NUP153: variants seen among roughly 807,000 people sequenced by gnomAD.
NUP153 encodes nucleoporin 153, also known as nuclear pore complex protein Nup153.
NUP153 carries 27 observed loss-of-function variants against 134.6 expected under a neutral mutation model. The observed-to-expected ratio is 0.20, with a 90% CI of 0.15 to 0.28. The LOEUF (loss-of-function observed/expected upper bound fraction) is 0.28, where lower values mean the gene tolerates loss of function less well. Ranked by LOEUF, NUP153 falls within the 10% of genes least tolerant of loss-of-function variation. The probability of loss-of-function intolerance (pLI) is 1.00; values close to 1 mark genes in which losing one functional copy is unlikely to be tolerated. For synonymous variants in NUP153, 640 were observed against 623.5 expected (o/e 1.03, Z -0.40); for missense variants, 1,821 against 1,731.3 (o/e 1.05, Z -0.92).
chr6:17,646,348 C>T (rs545243549), intron 13 of NUP153, among the ~76,000 whole-genome samples, 194 bp from the exon 14 acceptor site: 2 of 152,046 alleles, frequency 1.3e-5, no homozygotes, highest in South Asian at 4.2e-4. Flanking sequence ...GCTGGGACTA[C>T]AGGAACTCGC....
intron 11 of NUP153, among the ~76,000 whole-genome samples, chr6:17,655,896 T>G (rs1227359535): frequency 6.6e-6 from 1 of 152,138 alleles, no homozygotes; most frequent in Non-Finnish European, 1.5e-5. Context: ...CCAAACCTAT[T>G]CTATACAGAT....
chr6:17,666,477 G>A (rs1052489720), intron 8 of NUP153, among the ~76,000 whole-genome samples: 8 of 152,106 alleles, frequency 5.3e-5, no homozygotes, highest in Admixed American at 5.2e-4. Flanking sequence ...TTGTGCCACC[G>A]CACTCCAGCC....
At chr6:17,659,844 T>C (rs923981587) in intron 11 of NUP153, among the ~76,000 whole-genome samples, 1 of 152,194 alleles carries the variant, frequency 6.6e-6, no homozygotes, top group African/African-American at 2.4e-5. Context: ...ACAAAACCTA[T>C]AAAATTTATA....
At position 17,629,430 on chromosome 6, in the gene NUP153, A is replaced by T; in HGVS notation, c.2769T>A (p.Asn923Lys). ...GPSQTLTSTG[N>K]FKFGDQGGFK... ...ATCCTCCCTGATCTCCAAATTTAAAATTTCCAGTGCTTGTTAAAGTCTGAG... is the reference window on the plus strand; with the variant it reads ...ATCCTCCCTGATCTCCAAATTTAAATTTTCCAGTGCTTGTTAAAGTCTGAG... Residue 923 changes from asparagine to lysine, a missense_variant, in exon 18 of 22, where the codon AAT (asparagine) becomes AAA (lysine). By Grantham distance (94) the Asn-to-Lys change is moderately conservative (BLOSUM62 0). Transcript: ENST00000262077. 1 of 1,614,142 alleles carries T rather than the reference A, an allele frequency of 6.2e-7. No homozygotes were observed.
At chr6:17,696,352 C>A (rs1476409396) in intron 1 of NUP153, among the ~76,000 whole-genome samples, 1 of 152,078 alleles carries the variant, frequency 6.6e-6, no homozygotes, top group Non-Finnish European at 1.5e-5. Context: ...CCAATGTAAC[C>A]CACCTATGTT....
intron 1 of NUP153, among the ~76,000 whole-genome samples, chr6:17,699,418 G>A (rs947113896): frequency 1.6e-4 from 24 of 151,320 alleles, no homozygotes; most frequent in African/African-American, 5.1e-4. Context: ...GGCAGGCGGA[G>A]GTTGCAGTGA....
Position 17,675,083 on chromosome 6 carries a change from G to A in NUP153, c.724-50C>T, listed in dbSNP as rs1768135582. 3 of 1,602,122 alleles carry A rather than the reference G, an allele frequency of 1.9e-6. No individual in the cohort carries two copies. Among genetic ancestry groups the A allele is most frequent in the African/African-American group, 2.7e-5 (2 of 74,474 alleles). On this transcript the variant is annotated intron_variant, in intron 4 of 21. Transcript: ENST00000262077. The surrounding 1 kb of genome is among the most constrained non-coding windows in gnomAD (Gnocchi z 4.4). ...TATAAGCCATATGAACCCAGGAGGT[G>A]GAGGTTGCAGTGAGTTAAGATCATG... is the stretch of plus-strand genomic sequence containing the variant.
Position 17,642,923 on chromosome 6 carries a change from G to A in NUP153, c.1721-2859C>T, listed in dbSNP as rs560197255. 4.6e-5 allele frequency among the ~76,000 whole-genome samples: 7 copies of A among 152,312 alleles called. No homozygotes were observed. In the South Asian group the frequency reaches 6.2e-4, roughly 14 times the overall value. On this transcript the variant is annotated intron_variant, in intron 14 of 21. Coordinates refer to ENST00000262077, the MANE Select transcript of NUP153 (RefSeq NM_005124.4). ...GCTAAGTGAAAGAACTCAGCTGTAC[G>A]AAGCCACATTGTATGATTCTACTTA...
chr6:17,662,299 T>C (rs1322944260), intron 9 of NUP153, among the ~76,000 whole-genome samples: 1 of 152,212 alleles, frequency 6.6e-6, no homozygotes, highest in Non-Finnish European at 1.5e-5. Context: ...TTTAATAAAA[T>C]GGTAGTATAC....
At chr6:17,649,818 T>C (rs1252579766) in intron 11 of NUP153, among the ~76,000 whole-genome samples, 1 of 152,230 alleles carries the variant, frequency 6.6e-6, no homozygotes, top group Non-Finnish European at 1.5e-5. Context: ...CATAGATATG[T>C]ATGTATAAGA....
Position 17,675,640 on chromosome 6 carries a change from T to G in NUP153, c.465A>C (p.Ala155=). Reference sequence around the variant, plus strand: ...AAAATCCCGAACTGCCAATTGGGAATGCCGAGGATGTAGATGGCTGACAGT... The same window carrying G: ...AAAATCCCGAACTGCCAATTGGGAAGGCCGAGGATGTAGATGGCTGACAGT... ...ALHCQPSTSS[A]FPIGSSGFSL... Residue 155 remains alanine (A), a synonymous_variant, in exon 3 of 22, where the codon GCA becomes GCC. Coordinates refer to ENST00000262077, the MANE Select transcript of NUP153 (RefSeq NM_005124.4). This position sits in a 1 kb window ranked among gnomAD's most constrained non-coding sequence, Gnocchi z 4.4. 1 of 1,614,194 alleles carries G rather than the reference T, an allele frequency of 6.2e-7. No individual in the cohort carries two copies. The highest frequency in any genetic ancestry group is 1.1e-5 in the South Asian group (1 of 91,088).
chr6:17,689,084 T>A (rs1231928431), intron 1 of NUP153, among the ~76,000 whole-genome samples: 1 of 147,890 alleles, frequency 6.8e-6, no homozygotes, highest in East Asian at 2.0e-4. Context: ...AAAAAAAAAA[T>A]ACAGGAACTA....
chr6:17,641,839 G>A (rs993333373), intron 14 of NUP153, among the ~76,000 whole-genome samples: 1 of 5,236 alleles, frequency 1.9e-4, no homozygotes, highest in Admixed American at 3.4e-3. Context: ...GAGACAGAGC[G>A]AGACTGTCTC....
intron 13 of NUP153, among the ~76,000 whole-genome samples, chr6:17,646,409 T>C (rs943371031): frequency 9.9e-5 from 15 of 152,146 alleles, no homozygotes; most frequent in African/African-American, 3.1e-4. Flanking sequence ...GGTTTCACTG[T>C]GTTAGCCAGG....
intron 5 of NUP153, 85 bp downstream of exon 5, chr6:17,674,820 T>G (rs1768119184): frequency 9.1e-7 from 1 of 1,099,268 alleles, no homozygotes; most frequent in Non-Finnish European, 1.3e-6. Context: ...AAAACTATTT[T>G]TTTGAGCACA....
chr6:17,694,196 A>G (rs1769477515), intron 1 of NUP153, among the ~76,000 whole-genome samples: 1 of 152,172 alleles, frequency 6.6e-6, no homozygotes, highest in Non-Finnish European at 1.5e-5. Flanking sequence ...CTCTGTATTT[A>G]ATGCTTGACA....
At chr6:17,668,713 C>T (rs546931409) in intron 8 of NUP153, among the ~76,000 whole-genome samples, 10 of 151,904 alleles carry the variant, frequency 6.6e-5, no homozygotes, top group Non-Finnish European at 1.3e-4. Flanking sequence ...CATGATGGCA[C>T]GTGCCTGTAA....
chr6:17,649,125 G>C, intron 12 of NUP153, 38 bp downstream of exon 12: 1 of 1,541,964 alleles, frequency 6.5e-7, no homozygotes, highest in Non-Finnish European at 8.8e-7. Context: ...AATTAAGAAA[G>C]AACAAATGTC....
intron 14 of NUP153, among the ~76,000 whole-genome samples, chr6:17,641,354 G>C (rs1765829531): frequency 6.6e-6 from 1 of 152,218 alleles, no homozygotes; most frequent in South Asian, 2.1e-4. Flanking sequence ...GGCCAACATA[G>C]TGAAACCCCA....
Sources: gnomAD v4.1 joint callset for allele counts (sites outside exome capture counted in the v4.1 genomes callset) on GRCh38, gnomAD v4.1.1 for gene constraint, Gnocchi (gnomAD v3.1) non-coding constraint, MANE v1.5 for transcripts, NCBI Gene and HGNC (gene_info 2026-07-23, HGNC 2026-07-21) for gene names.